Variants in ABCC4 observed in about 807,000 individuals in gnomAD.
ABCC4 encodes the protein ATP binding cassette subfamily C member 4 (PEL blood group), also known as ATP-binding cassette sub-family C member 4.
A neutral mutation model predicts 168.5 loss-of-function variants in ABCC4; 102 were observed. That is an observed-to-expected ratio of 0.61 (90% CI 0.52 to 0.71). ABCC4 has a LOEUF of 0.71. Among genes scored for constraint, ABCC4 ranks in the 30% least tolerant of loss-of-function variants. ABCC4 has a pLI of 0.00. For synonymous variants in ABCC4, 617 were observed against 590.7 expected (o/e 1.04, Z -0.65); for missense variants, 1,402 against 1,605.8 (o/e 0.87, Z 2.17).
chr13:95,111,269 C>A (rs1055387880), intron 20 of ABCC4, among the ~76,000 whole-genome samples: 1 of 152,124 alleles, frequency 6.6e-6, no homozygotes, highest in South Asian at 2.1e-4. Flanking sequence ...AAAGCTGTTA[C>A]AAGTTTTGAA....
chr13:95,177,771 T>C lies in ABCC4; in HGVS notation c.1663A>G (p.Ile555Val), dbSNP rs1566495460. 1.9e-6 allele frequency: 3 copies of C among 1,611,566 alleles called. No individual in the cohort carries two copies. The highest frequency in any genetic ancestry group is 1.7e-6 in the Non-Finnish European group (2 of 1,177,856). The part of the protein sequence containing the change: ...LARAVYQDAD[I>V]YLLDDPLSAV... ...CTGAGAGGATCGTCCAGGAGATAGA[T>C]GTCAGCATCTTGATACACTGCTCTA... Residue 555 changes from isoleucine (I) to valine (V), a missense_variant, in exon 13 of 31, where the codon ATC (isoleucine) becomes GTC (valine). Around this residue, in one of 3 missense-constraint regions of ABCC4, gnomAD observed 1,007 missense variants for 1,127.3 expected, o/e 0.89. Transcript: ENST00000645237.
chr13:95,097,547 T>C (rs1276629375), intron 20 of ABCC4, among the ~76,000 whole-genome samples: 1 of 150,490 alleles, frequency 6.6e-6, no homozygotes, highest in Non-Finnish European at 1.5e-5. Flanking sequence ...CAACTTGACC[T>C]GTCATTTTTA....
At chr13:95,272,923 T>C (rs1594421119) in intron 1 of ABCC4, among the ~76,000 whole-genome samples, 5 of 151,314 alleles carry the variant, frequency 3.3e-5, no homozygotes, top group African/African-American at 1.2e-4. Context: ...AATAAACATG[T>C]GCTGGACAAA....
intron 19 of ABCC4, among the ~76,000 whole-genome samples, chr13:95,143,948 G>A (rs997492050): frequency 1.3e-5 from 2 of 152,278 alleles, no homozygotes; most frequent in East Asian, 1.9e-4. Flanking sequence ...GCAAGTTTAT[G>A]TAACAGCTGA....
At chr13:95,271,434 T>C (rs7322318) in intron 1 of ABCC4, among the ~76,000 whole-genome samples, 57,430 of 151,850 alleles carry the variant, frequency 0.38, 12,920 homozygotes, top group African/African-American at 0.64. Context: ...TTCGCAGAGG[T>C]CCCCGTCAGC....
rs113966952 is a variant in ABCC4, at chr13:95,183,907, C to T, written c.1545+2794G>A. Among the ~76,000 whole-genome samples, 518 of 143,844 alleles carry T rather than the reference C, an allele frequency of 3.6e-3. 3 individuals are homozygous for T. The highest frequency in any genetic ancestry group is 0.014 in the African/African-American group (489 of 35,308). 94.4% of individuals were successfully genotyped at this position (143,844 alleles called of 152,430 possible). The stretch of plus-strand genomic sequence containing the variant: ...CCAGCCTGGGTGACAGAGCGAGACT[C>T]CATCTCAAAAAAAACCCAAAGTGAC... On this transcript the variant is annotated intron_variant, in intron 11 of 30. Coordinates refer to ENST00000645237, the MANE Select transcript of ABCC4 (RefSeq NM_005845.5).
chr13:95,294,178 C>T (rs1331368987), intron 1 of ABCC4, among the ~76,000 whole-genome samples: 1 of 151,890 alleles, frequency 6.6e-6, no homozygotes, highest in South Asian at 2.1e-4. Flanking sequence ...CCCTTCTCTA[C>T]TAAAAATACA....
intron 30 of ABCC4, among the ~76,000 whole-genome samples, chr13:95,031,992 C>G (rs527844186): frequency 1.1e-4 from 16 of 152,276 alleles, no homozygotes; most frequent in African/African-American, 3.8e-4. Flanking sequence ...TTTGAGGTTC[C>G]TGGCTCTTTT....
intron 30 of ABCC4, among the ~76,000 whole-genome samples, chr13:95,025,634 C>T (rs946304081): frequency 2.7e-5 from 4 of 150,534 alleles, no homozygotes; most frequent in African/African-American, 9.8e-5. Context: ...AGGAAGAGTT[C>T]GTTTTAGTCA....
intron 26 of ABCC4, among the ~76,000 whole-genome samples, chr13:95,058,461 C>T (rs1182087128): frequency 2.0e-5 from 3 of 149,516 alleles, no homozygotes; most frequent in Admixed American, 6.7e-5. Context: ...CCCAGCTACT[C>T]GGGAGGCAGA....
intron 9 of ABCC4, among the ~76,000 whole-genome samples, chr13:95,194,440 C>G (rs1054211507): frequency 6.6e-6 from 1 of 152,184 alleles, no homozygotes; most frequent in African/African-American, 2.4e-5. Flanking sequence ...AAACGCTAAG[C>G]TGAAAATGTG....
intron 19 of ABCC4, among the ~76,000 whole-genome samples, chr13:95,145,103 C>T (rs998117028): frequency 3.9e-5 from 6 of 152,174 alleles, no homozygotes; most frequent in Non-Finnish European, 5.9e-5. Context: ...GATATCATCT[C>T]ACACCAGTCA....
chr13:95,161,079 AG>A, intron 19 of ABCC4, 109 bp downstream of exon 19: 1 of 759,674 alleles, frequency 1.3e-6, no homozygotes, highest in Non-Finnish European at 1.8e-6. Flanking sequence ...CAACATGCAT[AG>A]TGATTTTCTT....
chr13:95,107,194 CT>C (rs2035037716), intron 20 of ABCC4, among the ~76,000 whole-genome samples: 1 of 152,088 alleles, frequency 6.6e-6, no homozygotes, highest in Non-Finnish European at 1.5e-5. Context: ...GAGGCAGAAG[CT>C]ACAGTGAGCC....
intron 20 of ABCC4, among the ~76,000 whole-genome samples, chr13:95,102,338 G>T (rs1285542282): frequency 1.3e-5 from 2 of 152,074 alleles, no homozygotes; most frequent in African/African-American, 4.8e-5. Context: ...TAGAGACAGG[G>T]TCTCACCATA....
chr13:95,202,343 C>CTGCATGT (rs2038650890), intron 8 of ABCC4, among the ~76,000 whole-genome samples: 1 of 152,238 alleles, frequency 6.6e-6, no homozygotes, highest in African/African-American at 2.4e-5. Flanking sequence ...CAATCTCTCT[C>CTGCATGT]TGCATGTACA....
intron 13 of ABCC4, among the ~76,000 whole-genome samples, chr13:95,176,219 AGGGCAGGGGGGGGG>A (rs1449752011): frequency 0.024 from 86 of 3,644 alleles, 2 homozygotes; most frequent in African/African-American, 0.028. Context: ...CAGGAAGCCG[AGGGCAGGGGGGGGG>A]GGGGGGGGGG....
At chr13:95,034,783 C>T in intron 29 of ABCC4, 44 bp from the exon 30 acceptor site, 2 of 1,612,300 alleles carry the variant, frequency 1.2e-6, no homozygotes, top group Non-Finnish European at 1.7e-6. Flanking sequence ...CAATGTTTTG[C>T]AGTAACATAT....
intron 1 of ABCC4, among the ~76,000 whole-genome samples, chr13:95,285,212 T>C (rs930994715): frequency 1.4e-4 from 21 of 151,628 alleles, no homozygotes; most frequent in South Asian, 1.0e-3. Context: ...CACACCACTG[T>C]ACTCCAGCCT....
Sources: allele counts gnomAD v4.1 joint callset (sites outside exome capture counted in the v4.1 genomes callset), GRCh38; gene constraint gnomAD v4.1.1; regional missense constraint gnomAD v4.1.1; transcripts MANE v1.5; gene names NCBI Gene and HGNC (gene_info 2026-07-23, HGNC 2026-07-21).